The following PHACTR1 variants were observed in gnomAD, a reference collection of about 807,000 sequenced individuals.
PHACTR1 encodes phosphatase and actin regulator 1, also known as RPEL repeat containing 1.
In PHACTR1, 16 loss-of-function variants were observed where a neutral mutation model predicts 69.2. The observed-to-expected ratio is 0.23, with a 90% CI of 0.16 to 0.35. The LOEUF (loss-of-function observed/expected upper bound fraction) is 0.35. Among genes scored for constraint, PHACTR1 ranks in the 10% least tolerant of loss-of-function variants. The probability of loss-of-function intolerance (pLI) is 1.00; values close to 1 mark genes in which losing one functional copy is unlikely to be tolerated. For synonymous variants in PHACTR1, 312 were observed against 284.5 expected, an observed-to-expected ratio of 1.10 and a Z score of -0.97; for missense variants, 510 against 734.7, an observed-to-expected ratio of 0.69 and a Z score of 3.54.
At chr6:12,764,609 G>A (rs1260661525) in intron 4 of PHACTR1, among the ~76,000 whole-genome samples, 1 of 152,118 alleles carries the variant, frequency 6.6e-6, no homozygotes, top group African/African-American at 2.4e-5. Flanking sequence ...CAAGGCTTAG[G>A]TTCTCATAAC....
At chr6:13,008,096 T>G (rs946211731) in intron 4 of PHACTR1, among the ~76,000 whole-genome samples, 2 of 152,240 alleles carry the variant, frequency 1.3e-5, no homozygotes, top group Admixed American at 1.3e-4. Flanking sequence ...TTCTGTAAAC[T>G]CCTTGTCCAC....
intron 4 of PHACTR1, among the ~76,000 whole-genome samples, chr6:12,842,360 G>A (rs1778783344): frequency 6.6e-6 from 1 of 152,164 alleles, no homozygotes; most frequent in East Asian, 1.9e-4. Context: ...ATGATAGTAA[G>A]GGTGTCATAT....
intron 5 of PHACTR1, among the ~76,000 whole-genome samples, chr6:13,077,118 A>C (rs1001776616): frequency 1.3e-5 from 2 of 151,856 alleles, no homozygotes; most frequent in African/African-American, 4.8e-5. Context: ...TACAAAAAAA[A>C]ACACTGAAGT....
intron 3 of PHACTR1, among the ~76,000 whole-genome samples, chr6:12,739,651 G>A (rs545236353): frequency 1.1e-4 from 17 of 152,168 alleles, no homozygotes; most frequent in South Asian, 4.2e-4. Context: ...CGATCCTCCC[G>A]TCTCAGCCTC....
In PHACTR1 at chr6:13,093,529, T is replaced by G. The variant is rs146582329; in HGVS notation, c.415+40000T>G. On this transcript the variant is annotated intron_variant, in intron 5 of 14. Coordinates refer to ENST00000332995, the MANE Select transcript of PHACTR1 (RefSeq NM_030948.6). ...AACACTGGGTCAGCAAAATCACAGT[T>G]GTATTACACATTTCAGGCCAATTTA... Among the ~76,000 whole-genome samples, 160 of 152,336 alleles carry G rather than the reference T, an allele frequency of 1.1e-3. 4 individuals are homozygous for G. The East Asian group carries it at 0.028, about 26-fold the overall frequency.
intron 4 of PHACTR1, among the ~76,000 whole-genome samples, chr6:12,944,787 A>ATTTATTTTTTTTTTTTTTTTTT (rs1554172585): frequency 8.6e-6 from 1 of 116,340 alleles, no homozygotes; most frequent in African/African-American, 3.3e-5. Flanking sequence ...ATTTTTATTT[A>ATTTATTTTTTTTTTTTTTTTTT]TTTTTTTTTT....
At chr6:13,255,595 T>C (rs1775072233) in intron 10 of PHACTR1, among the ~76,000 whole-genome samples, 1 of 152,204 alleles carries the variant, frequency 6.6e-6, no homozygotes, top group Admixed American at 6.5e-5. Context: ...GGTATAGGCA[T>C]TGGGTAAATA....
At chr6:12,730,477 TAA>T (rs541780959) in intron 3 of PHACTR1, among the ~76,000 whole-genome samples, 16 of 142,282 alleles carry the variant, frequency 1.1e-4, no homozygotes, top group African/African-American at 2.5e-4. Flanking sequence ...ACACGTGATT[TAA>T]AAAAAAAAAA....
chr6:12,930,297 G>A (rs1788725224), intron 4 of PHACTR1, among the ~76,000 whole-genome samples: 1 of 152,062 alleles, frequency 6.6e-6, no homozygotes, highest in Admixed American at 6.6e-5. Flanking sequence ...CTCCCACCTT[G>A]GCCTCCCGAA....
intron 4 of PHACTR1, among the ~76,000 whole-genome samples, chr6:12,921,028 C>T (rs1204331882): frequency 6.6e-6 from 1 of 152,170 alleles, no homozygotes; most frequent in Admixed American, 6.5e-5. Context: ...AGGCACTTGT[C>T]CCCAGTTCAG....
chr6:12,810,033 A>G (rs1185456689), intron 4 of PHACTR1, among the ~76,000 whole-genome samples: 2 of 152,212 alleles, frequency 1.3e-5, no homozygotes, highest in African/African-American at 2.4e-5. Context: ...ATCTGTGTGT[A>G]GATAGATCCA....
At chr6:13,003,469 C>A (rs1239941673) in intron 4 of PHACTR1, among the ~76,000 whole-genome samples, 1 of 152,074 alleles carries the variant, frequency 6.6e-6, no homozygotes. Context: ...GATAGATTTA[C>A]TTCCAGTGTA....
chr6:12,988,428 G>C (rs1796440900), intron 4 of PHACTR1, among the ~76,000 whole-genome samples: 1 of 152,172 alleles, frequency 6.6e-6, no homozygotes, highest in Non-Finnish European at 1.5e-5. Flanking sequence ...TCATAATGAA[G>C]TATTGAAGCG....
intron 5 of PHACTR1, among the ~76,000 whole-genome samples, chr6:13,087,337 A>G (rs989068892): frequency 2.6e-5 from 4 of 151,660 alleles, no homozygotes; most frequent in Admixed American, 2.6e-4. Context: ...TTTTTCTAGA[A>G]AATGAAATAA....
chr6:13,105,030 G>A (rs780253768), intron 5 of PHACTR1, among the ~76,000 whole-genome samples: 35 of 152,294 alleles, frequency 2.3e-4, no homozygotes, highest in Admixed American at 6.5e-4. Context: ...CAAGAGGATC[G>A]TGAGCGTGGT....
At chr6:12,878,366 G>T (rs1485263534) in intron 4 of PHACTR1, among the ~76,000 whole-genome samples, 1 of 152,184 alleles carries the variant, frequency 6.6e-6, no homozygotes, top group Non-Finnish European at 1.5e-5. Context: ...CCCACCAGGG[G>T]CTTACAATCC....
At chr6:12,855,946 T>G (rs1780307838) in intron 4 of PHACTR1, among the ~76,000 whole-genome samples, 1 of 152,246 alleles carries the variant, frequency 6.6e-6, no homozygotes, top group Non-Finnish European at 1.5e-5. Flanking sequence ...GAATCCTGGT[T>G]CTTTTAATTC....
At chr6:12,738,403 C>G (rs891057638) in intron 3 of PHACTR1, among the ~76,000 whole-genome samples, 24 of 152,160 alleles carry the variant, frequency 1.6e-4, no homozygotes, top group African/African-American at 5.5e-4. Flanking sequence ...TGGGGGGAAA[C>G]TTTAAGGCCA....
At chr6:13,052,934 T>C (rs1307749895) in intron 4 of PHACTR1, among the ~76,000 whole-genome samples, 1 of 152,230 alleles carries the variant, frequency 6.6e-6, no homozygotes, top group South Asian at 2.1e-4. Context: ...AATAGACAGT[T>C]GATAAATGTT....
Sources: allele counts gnomAD v4.1 joint callset (sites outside exome capture counted in the v4.1 genomes callset), GRCh38; gene constraint gnomAD v4.1.1; transcripts MANE v1.5; gene names NCBI Gene and HGNC (gene_info 2026-07-23, HGNC 2026-07-21).